DAPP1: variants seen among roughly 807,000 people sequenced by gnomAD.
DAPP1 encodes the protein dual adapter for phosphotyrosine and 3-phosphotyrosine and 3-phosphoinositide.
DAPP1 carries 20 observed loss-of-function variants against 41.5 expected under a neutral mutation model. The ratio of observed to expected loss-of-function variants is 0.48; its 90% CI spans 0.34 to 0.70. The LOEUF is 0.70. Among genes scored for constraint, DAPP1 ranks in the 30% least tolerant of loss-of-function variants. The pLI is 0.01. For missense variants in DAPP1, 233 were observed against 333.4 expected (o/e 0.70, Z 2.35); for synonymous variants, 113 against 116.2 (o/e 0.97, Z 0.18).
chr4:99,866,175 A>G (rs1724452154), intron 8 of DAPP1, 54 bp downstream of exon 8: 1 of 951,146 alleles, frequency 1.1e-6, no homozygotes, highest in African/African-American at 1.6e-5. Flanking sequence ...CATGTTGATG[A>G]TTTCAAACAT....
chr4:99,844,618 T>G (rs1159693668), intron 3 of DAPP1: 1 of 152,208 alleles, frequency 6.6e-6, no homozygotes, highest in Non-Finnish European at 1.5e-5. Context: ...AACATGAAAT[T>G]GCCATGTATA....
chr4:99,866,764 C>CTTTTTT, intron 8 of DAPP1: 2 of 416,020 alleles, frequency 4.8e-6, no homozygotes, highest in Non-Finnish European at 4.2e-6. Context: ...TTCTTTTTTT[C>CTTTTTT]TATTTTTTTT....
intron 1 of DAPP1, among the ~76,000 whole-genome samples, chr4:99,828,363 CT>C (rs1424160083): frequency 6.6e-6 from 1 of 152,074 alleles, no homozygotes; most frequent in Non-Finnish European, 1.5e-5. Context: ...CGTCCTGTAA[CT>C]TTTTGTTTTT....
intron 8 of DAPP1, among the ~76,000 whole-genome samples, chr4:99,867,895 CAT>C (rs1054346636): frequency 6.6e-6 from 1 of 151,954 alleles, no homozygotes; most frequent in African/African-American, 2.4e-5. Flanking sequence ...CCAATTTGTA[CAT>C]GTTTTAGCAA....
At chr4:99,828,439 T>C (rs183842886) in intron 1 of DAPP1, among the ~76,000 whole-genome samples, 15 of 152,370 alleles carry the variant, frequency 9.8e-5, no homozygotes, top group Non-Finnish European at 1.8e-4. Flanking sequence ...TATTTTGTAC[T>C]GTGAGTCAAT....
chr4:99,825,190 T>C (rs1722898459), intron 1 of DAPP1, among the ~76,000 whole-genome samples: 1 of 152,270 alleles, frequency 6.6e-6, no homozygotes, highest in East Asian at 1.9e-4. Flanking sequence ...CGAGTCTATC[T>C]TGGTCTCTTG....
intron 5 of DAPP1, among the ~76,000 whole-genome samples, 160 bp downstream of exon 5, chr4:99,861,785 C>T (rs1009445987): frequency 6.6e-6 from 1 of 152,150 alleles, no homozygotes; most frequent in Non-Finnish European, 1.5e-5. Flanking sequence ...TTTTATGGCT[C>T]ATTAGTCAAA....
At chr4:99,849,076 G>A (rs1007161110) in intron 3 of DAPP1, among the ~76,000 whole-genome samples, 6 of 152,110 alleles carry the variant, frequency 3.9e-5, no homozygotes, top group Non-Finnish European at 7.4e-5. Flanking sequence ...CGTTTTATAA[G>A]TACTTTGTCA....
At chr4:99,819,410 A>G (rs1032112138) in intron 1 of DAPP1, among the ~76,000 whole-genome samples, 1 of 152,214 alleles carries the variant, frequency 6.6e-6, no homozygotes, top group Non-Finnish European at 1.5e-5. Context: ...ACATCATCGA[A>G]TTGAATATTT....
Position 99,841,938 on chromosome 4 carries a change from A to G in DAPP1, c.358+1516A>G, listed in dbSNP as rs529384578. Among the ~76,000 whole-genome samples, 150 of 152,138 alleles carry G rather than the reference A, an allele frequency of 9.9e-4. No individual in the cohort carries two copies. In the Middle Eastern group the frequency reaches 0.014, roughly 14 times the overall value. On this transcript the variant is annotated intron_variant, in intron 3 of 8. Transcript: ENST00000512369. ...CTTTTAAATTCTTCTCCTAGACTCT[A>G]TTTTCAACTTCTTTGATCATTCCCT... is the stretch of plus-strand genomic sequence containing the variant.
At chr4:99,834,253 C>T (rs1273206331) in intron 1 of DAPP1, among the ~76,000 whole-genome samples, 1 of 152,184 alleles carries the variant, frequency 6.6e-6, no homozygotes, top group Non-Finnish European at 1.5e-5. Context: ...CATCCAATGC[C>T]TCTAAGTGTG....
chr4:99,852,864 T>C (rs756439302), intron 3 of DAPP1, among the ~76,000 whole-genome samples: 5 of 152,176 alleles, frequency 3.3e-5, no homozygotes, highest in Non-Finnish European at 7.3e-5. Flanking sequence ...ACCTCCTTTA[T>C]GAAAGCTGTC....
chr4:99,847,415 A>AC (rs79987826), intron 3 of DAPP1, among the ~76,000 whole-genome samples: 41,456 of 152,044 alleles, frequency 0.27, 6,192 homozygotes, highest in African/African-American at 0.39. Flanking sequence ...ACTCTTACAC[A>AC]TAACTGTAAG....
intron 4 of DAPP1, among the ~76,000 whole-genome samples, chr4:99,853,840 T>C (rs1455229201): frequency 6.6e-6 from 1 of 152,136 alleles, no homozygotes; most frequent in Non-Finnish European, 1.5e-5. Context: ...ATGAAAGCAA[T>C]GCAATAGTAA....
At chr4:99,841,139 A>C (rs900574527) in intron 3 of DAPP1, among the ~76,000 whole-genome samples, 1 of 152,230 alleles carries the variant, frequency 6.6e-6, no homozygotes, top group Admixed American at 6.5e-5. Flanking sequence ...TAGTTAATCA[A>C]AGACTAGGAA....
At chr4:99,851,534 G>GTTTTTTT (rs537614787) in intron 3 of DAPP1, among the ~76,000 whole-genome samples, 30 of 77,788 alleles carry the variant, frequency 3.9e-4, no homozygotes, top group Non-Finnish European at 4.9e-4. Context: ...GTTTTGTGTA[G>GTTTTTTT]TTTTTTTTTT....
intron 1 of DAPP1, among the ~76,000 whole-genome samples, chr4:99,822,628 C>A (rs528486625): frequency 1.1e-4 from 16 of 152,314 alleles, no homozygotes; most frequent in African/African-American, 3.8e-4. Flanking sequence ...CCCACCCAGT[C>A]CCCAAGACCC....
intron 5 of DAPP1, among the ~76,000 whole-genome samples, chr4:99,862,637 A>G (rs1197919891): frequency 6.6e-6 from 1 of 152,178 alleles, no homozygotes; most frequent in Non-Finnish European, 1.5e-5. Flanking sequence ...TGGAAATTGT[A>G]GTGGTTTGTT....
downstream of DAPP1, among the ~76,000 whole-genome samples, chr4:99,871,948 G>A (rs577486981): frequency 7.9e-5 from 12 of 152,298 alleles, no homozygotes; most frequent in South Asian, 1.5e-3. Context: ...CAGGGGTTGT[G>A]TGCCCTTGTA....
Sources: gnomAD v4.1 joint callset for allele counts (sites outside exome capture counted in the v4.1 genomes callset) on GRCh38, gnomAD v4.1.1 for gene constraint, MANE v1.5 for transcripts, NCBI Gene and HGNC (gene_info 2026-07-23, HGNC 2026-07-21) for gene names.